CHRNA7: variants seen among roughly 807,000 people sequenced by gnomAD.
CHRNA7 encodes cholinergic receptor nicotinic alpha 7 subunit.
CHRNA7 carries 17 observed loss-of-function variants against 48.0 expected under a neutral mutation model. That is an observed-to-expected ratio of 0.35 (90% confidence interval 0.24 to 0.53). The LOEUF is 0.53. Among genes scored for constraint, CHRNA7 ranks in the 20% least tolerant of loss-of-function variants. CHRNA7 has a pLI of 0.92. For missense variants in CHRNA7, 155 were observed against 577.7 expected, an observed-to-expected ratio of 0.27 and a Z score of 7.50; for synonymous variants, 75 against 242.3, an observed-to-expected ratio of 0.31 and a Z score of 6.41.
At chr15:32,046,954 A>G (rs2049561083) in intron 2 of CHRNA7, among the ~76,000 whole-genome samples, 1 of 151,072 alleles carries the variant, frequency 6.6e-6, no homozygotes, top group African/African-American at 2.4e-5. Context: ...TGTTTTTGTC[A>G]GGTTTGTCAA....
At chr15:32,148,962 A>G (rs576368421) in intron 4 of CHRNA7, among the ~76,000 whole-genome samples, 1 of 152,270 alleles carries the variant, frequency 6.6e-6, no homozygotes, top group East Asian at 1.9e-4. Flanking sequence ...AAGGACACGT[A>G]GCTTGCGTCC....
intron 2 of CHRNA7, among the ~76,000 whole-genome samples, chr15:32,069,551 G>A (rs894055631): frequency 1.3e-5 from 2 of 152,180 alleles, no homozygotes; most frequent in Non-Finnish European, 2.9e-5. Context: ...GGAGGCTGAG[G>A]CAGGAGGATC....
At chr15:32,068,491 AG>A (rs1229558734) in intron 2 of CHRNA7, among the ~76,000 whole-genome samples, 3 of 152,206 alleles carry the variant, frequency 2.0e-5, no homozygotes, top group Admixed American at 2.0e-4. Context: ...AGATGCAAAA[AG>A]ATAATACCAT....
chr15:32,116,943 A>G (rs2050882181), intron 4 of CHRNA7, among the ~76,000 whole-genome samples: 1 of 152,188 alleles, frequency 6.6e-6, no homozygotes, highest in Non-Finnish European at 1.5e-5. Context: ...CTGATAGCAG[A>G]GGCTGGAGAG....
intron 2 of CHRNA7, among the ~76,000 whole-genome samples, chr15:32,072,467 G>A (rs2050072990): frequency 6.6e-6 from 1 of 152,208 alleles, no homozygotes; most frequent in Non-Finnish European, 1.5e-5. Flanking sequence ...AGGACTACAA[G>A]CACTAGTGGA....
intron 2 of CHRNA7, among the ~76,000 whole-genome samples, chr15:32,053,570 C>T (rs1220921974): frequency 1.3e-5 from 2 of 152,134 alleles, no homozygotes; most frequent in Admixed American, 6.5e-5. Context: ...AATGCACACT[C>T]AGTCACACAC....
At chr15:32,091,658 T>G (rs2050383944) in intron 2 of CHRNA7, among the ~76,000 whole-genome samples, 2 of 152,058 alleles carry the variant, frequency 1.3e-5, no homozygotes, top group African/African-American at 4.8e-5. Flanking sequence ...AGGTGGGGGG[T>G]TTGGTTCAGC....
chr15:32,151,337 T>C (rs2051624450), intron 4 of CHRNA7, among the ~76,000 whole-genome samples: 1 of 152,198 alleles, frequency 6.6e-6, no homozygotes, highest in African/African-American at 2.4e-5. Flanking sequence ...TTTATCGATC[T>C]CCAGGTTTAA....
intron 2 of CHRNA7, among the ~76,000 whole-genome samples, chr15:32,088,164 AT>A (rs2050328470): frequency 6.6e-6 from 1 of 152,160 alleles, no homozygotes; most frequent in African/African-American, 2.4e-5. Context: ...CTTTTGTAGA[AT>A]GTCTTTTTAT....
At position 32,049,174 on chromosome 15, in the gene CHRNA7, G is replaced by T. The variant is rs922167417; in HGVS notation, c.195+18137G>T. Among the ~76,000 whole-genome samples the T allele has an allele frequency of 6.5e-4, 99 of 152,022 alleles. No homozygotes were observed. In the South Asian group the frequency reaches 0.019, roughly 30 times the overall value. ...ATGTCTATTAGGTCTGCTTGGTGCA[G>T]AGCTGAGTTCAGTTCCTGGGTATCC... On this transcript the variant is annotated intron_variant, in intron 2 of 9. Coordinates refer to ENST00000306901, the MANE Select transcript of CHRNA7 (RefSeq NM_000746.6).
intron 4 of CHRNA7, among the ~76,000 whole-genome samples, chr15:32,135,528 C>T (rs1226722395): frequency 2.0e-5 from 3 of 152,310 alleles, no homozygotes; most frequent in East Asian, 1.9e-4. Flanking sequence ...CAGCTGCTTA[C>T]GGTCCGCGCA....
rs145804770 is a variant in CHRNA7, at chr15:32,111,728, G to A, written c.241-62G>A. 403 of 940,344 alleles carry A rather than the reference G, an allele frequency of 4.3e-4. 1 individual carries two copies. The African/African-American group carries it at 5.7e-3, about 13-fold the overall frequency. 58.3% of individuals were successfully genotyped at this position (940,344 alleles called of 1,614,324 possible). On this transcript the variant is annotated intron_variant, in intron 3 of 9. Coordinates refer to ENST00000306901, the MANE Select transcript of CHRNA7 (RefSeq NM_000746.6). ...TTGGTTTTGCACTTACCTAATAATC[G>A]CTTATGAGAAATATTAGTAGCCAAG...
At chr15:32,059,849 A>G (rs888210355) in intron 2 of CHRNA7, among the ~76,000 whole-genome samples, 2 of 151,490 alleles carry the variant, frequency 1.3e-5, no homozygotes, top group African/African-American at 2.4e-5. Flanking sequence ...TAAGGAAAAA[A>G]AGGCTATTTA....
intron 4 of CHRNA7, among the ~76,000 whole-genome samples, chr15:32,113,460 G>T (rs985076420): frequency 6.6e-6 from 1 of 152,190 alleles, no homozygotes; most frequent in African/African-American, 2.4e-5. Context: ...TGAGGGCATT[G>T]TATCTGACTT....
At chr15:32,101,430 C>T (rs2141261040) in intron 3 of CHRNA7, 83 bp downstream of exon 3, 2 of 1,432,746 alleles carry the variant, frequency 1.4e-6, no homozygotes, top group East Asian at 4.7e-5. Context: ...GAGATGCTTG[C>T]TTCTGAGAGG....
chr15:32,150,492 T>C (rs2051603545), intron 4 of CHRNA7, among the ~76,000 whole-genome samples: 1 of 152,152 alleles, frequency 6.6e-6, no homozygotes, highest in South Asian at 2.1e-4. Context: ...AAAGCTGAAA[T>C]CTCATTTGGT....
intron 2 of CHRNA7, among the ~76,000 whole-genome samples, chr15:32,033,820 G>T (rs1901959302): frequency 6.6e-6 from 1 of 152,160 alleles, no homozygotes; most frequent in Non-Finnish European, 1.5e-5. Context: ...ATAGTAGTTG[G>T]TTTTCCTACT....
chr15:32,119,714 A>T (rs2050934437), intron 4 of CHRNA7, among the ~76,000 whole-genome samples: 1 of 151,996 alleles, frequency 6.6e-6, no homozygotes, highest in Admixed American at 6.5e-5. Context: ...AGAAGTTATT[A>T]TCTGTTCTTT....
rs1367932469 is a variant in CHRNA7 at position 32,149,970 on chromosome 15, G to A, written c.351-3937G>A. Among the ~76,000 whole-genome samples, 1 of 151,688 alleles carries A rather than the reference G, an allele frequency of 6.6e-6. No homozygotes were observed. The highest frequency in any genetic ancestry group is 1.5e-5 in the Non-Finnish European group (1 of 67,934). On this transcript the variant is annotated intron_variant, in intron 4 of 9. Coordinates refer to ENST00000306901, the MANE Select transcript of CHRNA7 (RefSeq NM_000746.6). The surrounding 1 kb of genome is among the most constrained non-coding windows in gnomAD (Gnocchi z 4.6). ...AGGAAGAAACCCAAGCTTAAAATAA[G>A]CAAAACTTTGTTCCCCATAACATGC... is the stretch of plus-strand genomic sequence containing the variant.
Sources: allele counts gnomAD v4.1 joint callset (sites outside exome capture counted in the v4.1 genomes callset), GRCh38; gene constraint gnomAD v4.1.1; non-coding constraint Gnocchi (gnomAD v3.1); transcripts MANE v1.5; gene names NCBI Gene and HGNC (gene_info 2026-07-23, HGNC 2026-07-21).